CTBP2: variants seen among roughly 807,000 people sequenced by gnomAD.
CTBP2 encodes the protein C-terminal binding protein 2, also known as C-terminal-binding protein 2.
CTBP2 carries 30 observed loss-of-function variants against 80.3 expected under a neutral mutation model. That is an observed-to-expected ratio of 0.37 (90% CI 0.28 to 0.51). CTBP2 has a LOEUF of 0.51. CTBP2 is among the 20% of genes least tolerant of loss of function. CTBP2 has a pLI of 0.93. For missense variants in CTBP2, 1,212 were observed against 1,375.3 expected, an observed-to-expected ratio of 0.88 and a Z score of 1.88; for synonymous variants, 594 against 587.4, an observed-to-expected ratio of 1.01 and a Z score of -0.16.
At chr10:125,147,980 C>T (rs1859105386) in intron 1 of CTBP2, among the ~76,000 whole-genome samples, 1 of 152,176 alleles carries the variant, frequency 6.6e-6, no homozygotes, top group African/African-American at 2.4e-5. Flanking sequence ...TCATTGAATC[C>T]TTACAACACA....
chr10:125,007,540 C>T (rs935887158), intron 1 of CTBP2, among the ~76,000 whole-genome samples: 5 of 152,110 alleles, frequency 3.3e-5, no homozygotes, highest in African/African-American at 4.8e-5. Flanking sequence ...GGGAGGATGG[C>T]GGAAGGATCC....
chr10:125,104,517 T>C (rs913165), intron 2 of CTBP2, among the ~76,000 whole-genome samples: 37,932 of 152,162 alleles, frequency 0.25, 5,730 homozygotes, highest in African/African-American at 0.42. Flanking sequence ...TAAATGTCAC[T>C]GTTCGGGCTG....
chr10:125,150,260 C>G (rs1269519813), intron 1 of CTBP2, among the ~76,000 whole-genome samples: 1 of 152,204 alleles, frequency 6.6e-6, no homozygotes, highest in Non-Finnish European at 1.5e-5. Flanking sequence ...TATCCCAGAC[C>G]ACAAACATGG....
intron 2 of CTBP2, among the ~76,000 whole-genome samples, chr10:125,068,380 T>TGC (rs2135424432): frequency 6.6e-6 from 1 of 152,362 alleles, no homozygotes; most frequent in East Asian, 1.9e-4. Flanking sequence ...AATGTTAATT[T>TGC]GCACACATAA....
chr10:125,140,494 C>T (rs1372385408), intron 1 of CTBP2, among the ~76,000 whole-genome samples: 1 of 152,104 alleles, frequency 6.6e-6, no homozygotes, highest in Non-Finnish European at 1.5e-5. Context: ...TTATAAATTC[C>T]AAGACTCATT....
intron 1 of CTBP2, among the ~76,000 whole-genome samples, chr10:125,123,801 C>A (rs538961305): frequency 6.6e-6 from 1 of 152,224 alleles, no homozygotes; most frequent in Non-Finnish European, 1.5e-5. Flanking sequence ...TTCCTGGGAG[C>A]GGGCATGACT....
chr10:125,086,839 C>T (rs948148070), intron 2 of CTBP2, among the ~76,000 whole-genome samples: 4 of 152,088 alleles, frequency 2.6e-5, no homozygotes, highest in Non-Finnish European at 5.9e-5. Flanking sequence ...ACATGCTCTC[C>T]ACTTGACACT....
At chr10:125,013,165 G>C (rs1053121563) in intron 1 of CTBP2, among the ~76,000 whole-genome samples, 1 of 152,164 alleles carries the variant, frequency 6.6e-6, no homozygotes, top group South Asian at 2.1e-4. Flanking sequence ...CGAGTTGTGA[G>C]GTGGTCTGGA....
chr10:125,111,283 G>T (rs1308792814), intron 1 of CTBP2, among the ~76,000 whole-genome samples, 190 bp from the exon 2 acceptor site: 1 of 152,152 alleles, frequency 6.6e-6, no homozygotes, highest in Non-Finnish European at 1.5e-5. Flanking sequence ...AAACAGTAGA[G>T]CACCAGAACA....
At chr10:125,113,083 A>G (rs1340669377) in intron 1 of CTBP2, among the ~76,000 whole-genome samples, 1 of 152,218 alleles carries the variant, frequency 6.6e-6, no homozygotes, top group Non-Finnish European at 1.5e-5. Flanking sequence ...AAGGTCAAGT[A>G]GTAATTCACT....
chr10:125,094,862 ATTT>A (rs60252831), intron 2 of CTBP2, among the ~76,000 whole-genome samples: 6 of 147,246 alleles, frequency 4.1e-5, no homozygotes, highest in Admixed American at 1.4e-4. Flanking sequence ...ATTACCGGCA[ATTT>A]TTTTTTTTTT....
At chr10:125,133,294 G>A (rs568196388) in intron 1 of CTBP2, among the ~76,000 whole-genome samples, 87 of 152,314 alleles carry the variant, frequency 5.7e-4, no homozygotes, top group African/African-American at 2.1e-3. Flanking sequence ...TGGTAAGTAT[G>A]TAGAGATGGG....
intron 8 of CTBP2, among the ~76,000 whole-genome samples, chr10:124,990,030 G>T (rs1199824747): frequency 6.6e-6 from 1 of 151,448 alleles, no homozygotes. Flanking sequence ...GAGACACCAG[G>T]CCTGGCTAAT....
intron 1 of CTBP2, among the ~76,000 whole-genome samples, chr10:125,141,606 A>G (rs994240375): frequency 6.6e-6 from 1 of 152,168 alleles, no homozygotes; most frequent in African/African-American, 2.4e-5. Context: ...GCAGGGAGAC[A>G]GCACACAGTA....
intron 2 of CTBP2, among the ~76,000 whole-genome samples, chr10:125,062,661 G>C (rs549252956): frequency 2.6e-5 from 4 of 152,178 alleles, no homozygotes; most frequent in Non-Finnish European, 5.9e-5. Context: ...GTCAGTTTAA[G>C]ACCAGCCTGG....
chr10:125,159,108 G>C (rs1337379780), intron 1 of CTBP2, among the ~76,000 whole-genome samples: 1 of 150,426 alleles, frequency 6.6e-6, no homozygotes, highest in Non-Finnish European at 1.5e-5. Context: ...GGCAGCGCGA[G>C]GGAGAGAAAG....
intron 2 of CTBP2, among the ~76,000 whole-genome samples, chr10:125,105,954 T>C (rs940165917): frequency 6.6e-6 from 1 of 152,316 alleles, no homozygotes; most frequent in South Asian, 2.1e-4. Flanking sequence ...AGTGAGGCTC[T>C]GGCCCTGCCG....
chr10:125,068,068 A>C (rs372912658), intron 2 of CTBP2, among the ~76,000 whole-genome samples: 3 of 152,172 alleles, frequency 2.0e-5, no homozygotes, highest in Admixed American at 2.0e-4. Context: ...ATGGGCCTCA[A>C]CTCAGCCCCA....
chr10:125,095,572 G>A (rs1849420102), intron 2 of CTBP2, among the ~76,000 whole-genome samples: 1 of 152,192 alleles, frequency 6.6e-6, no homozygotes, highest in Non-Finnish European at 1.5e-5. Context: ...ATGCTCTGAG[G>A]ACGCTAGTCC....
Sources: gnomAD v4.1 joint callset for allele counts (sites outside exome capture counted in the v4.1 genomes callset) on GRCh38, gnomAD v4.1.1 for gene constraint, MANE v1.5 for transcripts, NCBI Gene and HGNC (gene_info 2026-07-23, HGNC 2026-07-21) for gene names.